Variants in BTBD7 observed in about 807,000 individuals in gnomAD.
BTBD7 encodes BTB/POZ domain-containing protein 7.
Under a neutral mutation model 99.9 loss-of-function variants are expected in BTBD7, and 38 were observed. That is an observed-to-expected ratio of 0.38 (90% CI 0.29 to 0.50). BTBD7 has a LOEUF of 0.50. BTBD7 is among the 20% of genes least tolerant of loss of function. The pLI is 0.93. For missense variants in BTBD7, 1,170 were observed against 1,394.6 expected (o/e 0.84, Z 2.57); for synonymous variants, 520 against 511.4 (o/e 1.02, Z -0.23).
chr14:93,260,575 G>A (rs1356425196), intron 5 of BTBD7, among the ~76,000 whole-genome samples: 4 of 146,814 alleles, frequency 2.7e-5, no homozygotes, highest in East Asian at 2.0e-4. Flanking sequence ...TTTTTGAGAC[G>A]AAGTTTTGCT....
chr14:93,311,027 T>C (rs955308475), intron 1 of BTBD7, among the ~76,000 whole-genome samples: 10 of 152,190 alleles, frequency 6.6e-5, no homozygotes, highest in African/African-American at 2.2e-4. Flanking sequence ...GCAGTCTGTA[T>C]AGAAAGGACA....
rs545575364 is a variant in BTBD7, at chr14:93,332,791, C to T, written c.-107+29G>A. The T allele has an allele frequency of 1.3e-4, 185 of 1,465,980 alleles. No homozygotes were observed. In the African/African-American group the frequency reaches 2.5e-3, roughly 20 times the overall value. 90.8% of individuals were successfully genotyped at this position (1,465,980 alleles called of 1,614,324 possible). On this transcript the variant is annotated intron_variant, in intron 1 of 10. Coordinates refer to ENST00000334746, the MANE Select transcript of BTBD7 (RefSeq NM_001002860.4). ...CACACCGGACACAGCCTCGGCTCCA[C>T]AGCCTCAGAGACACCAAGGGACACT...
rs1161079150 is a variant in BTBD7 at position 93,332,998 on chromosome 14, G to C, written c.-285C>G. ...TGGCTCAGGCTCCGGGACTGCTCCA[G>C]GTTCCCCTCGCCGCCATTTTGACTC... On this transcript the variant is annotated 5_prime_UTR_variant, in exon 1 of 11. Coordinates refer to ENST00000334746, the MANE Select transcript of BTBD7 (RefSeq NM_001002860.4). 5 of 546,674 alleles carry C rather than the reference G, an allele frequency of 9.1e-6. No individual in the cohort carries two copies. Among genetic ancestry groups the C allele is most frequent in the African/African-American group, 4.0e-5 (2 of 49,552 alleles). The allele number at this position is 546,674 out of a possible 1,614,324, so 33.9% of individuals were successfully genotyped here. A position where few individuals can be genotyped will look rare whatever the true frequency, so the allele number is the denominator to read the frequency against.
chr14:93,277,955 G>T (rs147748953), intron 3 of BTBD7, among the ~76,000 whole-genome samples: 3 of 152,018 alleles, frequency 2.0e-5, no homozygotes, highest in Non-Finnish European at 4.4e-5. Context: ...AAAATTCAGC[G>T]GTTCACACCT....
At chr14:93,303,877 G>A (rs185088091) in intron 1 of BTBD7, among the ~76,000 whole-genome samples, 3 of 152,336 alleles carry the variant, frequency 2.0e-5, no homozygotes, top group African/African-American at 4.8e-5. Flanking sequence ...GACAATGGGA[G>A]TCGCTTATTC....
chr14:93,278,474 G>T (rs1014620525), intron 3 of BTBD7, among the ~76,000 whole-genome samples: 3 of 152,072 alleles, frequency 2.0e-5, no homozygotes, highest in African/African-American at 7.2e-5. Context: ...ATATGATCAT[G>T]TGCTCCCTTC....
At chr14:93,277,238 T>C (rs1047484913) in intron 3 of BTBD7, among the ~76,000 whole-genome samples, 7 of 152,174 alleles carry the variant, frequency 4.6e-5, no homozygotes, top group African/African-American at 1.4e-4. Flanking sequence ...ATTGACTAGA[T>C]TGATATTTCT....
chr14:93,261,630 A>G lies in BTBD7; in HGVS notation c.1419T>C (p.His473=), dbSNP rs775816913. ...ILKYLIKWGE[H]QLMKRIADRE... Reference sequence around the variant, plus strand: ...TATCTGCTATTCTTTTCATCAACTGATGCTCTCCCCATTTAATCAGATATT... The same window carrying G: ...TATCTGCTATTCTTTTCATCAACTGGTGCTCTCCCCATTTAATCAGATATT... Residue 473 remains histidine (H), a synonymous_variant, in exon 5 of 11, where the codon CAT becomes CAC. Transcript: ENST00000334746. The G allele has an allele frequency of 9.3e-6, 15 of 1,612,152 alleles. No homozygotes were observed. The highest frequency in any genetic ancestry group is 1.2e-5 in the Non-Finnish European group (14 of 1,179,232).
At chr14:93,277,416 C>G (rs545527482) in intron 3 of BTBD7, among the ~76,000 whole-genome samples, 1 of 152,234 alleles carries the variant, frequency 6.6e-6, no homozygotes, top group South Asian at 2.1e-4. Flanking sequence ...GCAGGGGGAG[C>G]TAACTCTGGG....
intron 1 of BTBD7, among the ~76,000 whole-genome samples, chr14:93,312,452 G>A (rs11845517): frequency 0.079 from 11,955 of 152,198 alleles, 1,004 homozygotes; most frequent in African/African-American, 0.21. Context: ...TGCTTTCAAA[G>A]AGAAATAATA....
intron 3 of BTBD7, among the ~76,000 whole-genome samples, chr14:93,273,191 G>A (rs542584857): frequency 2.6e-5 from 4 of 152,298 alleles, no homozygotes; most frequent in Admixed American, 6.5e-5. Context: ...AACACCAGGA[G>A]CAGATTAAAA....
intron 3 of BTBD7, among the ~76,000 whole-genome samples, chr14:93,267,093 T>C (rs1296432643): frequency 6.6e-6 from 1 of 152,126 alleles, no homozygotes; most frequent in African/African-American, 2.4e-5. Flanking sequence ...ATAGATGTGT[T>C]TGGGAGTGAA....
chr14:93,293,797 T>C (rs2052886521), intron 3 of BTBD7, 61 bp downstream of exon 3: 5 of 1,529,080 alleles, frequency 3.3e-6, no homozygotes, highest in Non-Finnish European at 1.8e-6. Context: ...TGGTTGTGTT[T>C]TCAATTTGGA....
chr14:93,306,806 T>C (rs954068087), intron 1 of BTBD7, among the ~76,000 whole-genome samples: 1 of 152,210 alleles, frequency 6.6e-6, no homozygotes, highest in Admixed American at 6.5e-5. Flanking sequence ...TAATAATATA[T>C]GTATCACTGT....
chr14:93,261,140 C>T (rs925345675), intron 5 of BTBD7, among the ~76,000 whole-genome samples: 6 of 152,154 alleles, frequency 3.9e-5, no homozygotes, highest in Non-Finnish European at 7.3e-5. Context: ...AGCCTGTACT[C>T]GTATTTTTAA....
intron 3 of BTBD7, among the ~76,000 whole-genome samples, chr14:93,292,095 G>T (rs1037149153): frequency 3.9e-5 from 6 of 152,140 alleles, no homozygotes; most frequent in African/African-American, 1.4e-4. Flanking sequence ...GCTGAGGCAG[G>T]AGAATCACTT....
chr14:93,265,577 G>A (rs1352675281), intron 3 of BTBD7, among the ~76,000 whole-genome samples: 3 of 152,222 alleles, frequency 2.0e-5, no homozygotes, highest in Non-Finnish European at 4.4e-5. Context: ...TTCATAAACA[G>A]CACTGATTAA....
chr14:93,330,082 T>C (rs2053384302), intron 1 of BTBD7, among the ~76,000 whole-genome samples: 1 of 152,212 alleles, frequency 6.6e-6, no homozygotes, highest in Non-Finnish European at 1.5e-5. Flanking sequence ...CTTGGTTCAT[T>C]ACATTCTCTC....
chr14:93,312,768 T>C (rs900833428), intron 1 of BTBD7, among the ~76,000 whole-genome samples: 1 of 152,198 alleles, frequency 6.6e-6, no homozygotes, highest in Non-Finnish European at 1.5e-5. Flanking sequence ...GTGGTTCTTC[T>C]GCCCAGCCCA....
Sources: allele counts gnomAD v4.1 joint callset (sites outside exome capture counted in the v4.1 genomes callset), GRCh38; gene constraint gnomAD v4.1.1; transcripts MANE v1.5; gene names NCBI Gene and HGNC (gene_info 2026-07-23, HGNC 2026-07-21).